The following NKAIN2 variants were observed in gnomAD, a reference collection of about 807,000 sequenced individuals.
NKAIN2 encodes sodium/potassium-transporting ATPase subunit beta-1-interacting protein 2.
Under a neutral mutation model 32.6 loss-of-function variants are expected in NKAIN2, and 14 were observed. The observed-to-expected ratio is 0.43, with a 90% confidence interval of 0.28 to 0.67. The LOEUF is 0.67. Among genes scored for constraint, NKAIN2 ranks in the 30% least tolerant of loss-of-function variants. The pLI is 0.17. For synonymous variants in NKAIN2, 80 were observed against 87.2 expected (o/e 0.92, Z 0.46); for missense variants, 198 against 258.3 (o/e 0.77, Z 1.60).
intron 1 of NKAIN2, among the ~76,000 whole-genome samples, chr6:124,173,981 G>A (rs983303121): frequency 6.6e-6 from 1 of 152,104 alleles, no homozygotes; most frequent in African/African-American, 2.4e-5. Flanking sequence ...TTACATTCAT[G>A]TATAGCATGC....
In NKAIN2 at chr6:123,820,367, T is replaced by G. The variant is rs76352656; in HGVS notation, c.54+16113T>G. Among the ~76,000 whole-genome samples the G allele has an allele frequency of 2.5e-4, 38 of 152,338 alleles. 1 individual carries two copies. In the East Asian group the frequency reaches 7.3e-3, roughly 29 times the overall value. On this transcript the variant is annotated intron_variant, in intron 1 of 6. Transcript: ENST00000368417. ...TACTGGGACAGAGAAGAAAATAAATTATTTCTTTATGATGAAATTAAAAGG... is the reference window on the plus strand; with the variant it reads ...TACTGGGACAGAGAAGAAAATAAATGATTTCTTTATGATGAAATTAAAAGG...
intron 1 of NKAIN2, among the ~76,000 whole-genome samples, chr6:124,255,633 C>G (rs1381630398): frequency 6.6e-6 from 1 of 152,164 alleles, no homozygotes; most frequent in African/African-American, 2.4e-5. Context: ...GAAAGGGAGG[C>G]TCACCTATGA....
At chr6:124,236,580 A>C (rs1582899779) in intron 1 of NKAIN2, among the ~76,000 whole-genome samples, 1 of 152,166 alleles carries the variant, frequency 6.6e-6, no homozygotes, top group Non-Finnish European at 1.5e-5. Flanking sequence ...CAGAACAGTA[A>C]ATTGGAGTTA....
At chr6:124,596,663 G>GGT (rs9321001) in intron 3 of NKAIN2, among the ~76,000 whole-genome samples, 76,719 of 142,158 alleles carry the variant, frequency 0.54, 21,032 homozygotes, top group South Asian at 0.65. Context: ...TAAACCATAG[G>GGT]GTGTGTGTGT....
rs570425172 is a variant in NKAIN2, at chr6:124,782,142, C to T, written c.475-9197C>T. The stretch of plus-strand genomic sequence containing the variant: ...TCCTACTTAACTGTATTTTCAAAAC[C>T]CTAATAATGCATCTGAGTTTACGAT... On this transcript the variant is annotated intron_variant, in intron 4 of 6. Coordinates refer to ENST00000368417, the MANE Select transcript of NKAIN2 (RefSeq NM_001040214.3). Among the ~76,000 whole-genome samples the T allele has an allele frequency of 3.3e-5, 5 of 152,202 alleles. No homozygotes were observed. The South Asian group carries it at 1.0e-3, about 32-fold the overall frequency.
chr6:124,720,593 A>C (rs753281231), intron 4 of NKAIN2, among the ~76,000 whole-genome samples: 1 of 152,170 alleles, frequency 6.6e-6, no homozygotes, highest in Non-Finnish European at 1.5e-5. Context: ...ACTTAAAATG[A>C]CATTTATTTC....
intron 1 of NKAIN2, among the ~76,000 whole-genome samples, chr6:124,030,793 A>G (rs543351135): frequency 3.9e-5 from 6 of 152,300 alleles, no homozygotes; most frequent in Non-Finnish European, 7.4e-5. Flanking sequence ...TAAGTGCCCA[A>G]TAAATCTTCG....
intron 1 of NKAIN2, among the ~76,000 whole-genome samples, chr6:124,128,298 A>G (rs961004197): frequency 1.3e-5 from 2 of 152,212 alleles, no homozygotes; most frequent in Non-Finnish European, 2.9e-5. Flanking sequence ...ATGTTCTATA[A>G]TATAGATAGC....
chr6:124,631,077 A>G (rs1414785014), intron 3 of NKAIN2, among the ~76,000 whole-genome samples: 1 of 152,184 alleles, frequency 6.6e-6, no homozygotes, highest in Non-Finnish European at 1.5e-5. Context: ...TGTAAATTTG[A>G]GTCATTCCTT....
At chr6:124,807,948 TC>T (rs1296484378) in intron 5 of NKAIN2, among the ~76,000 whole-genome samples, 1 of 148,518 alleles carries the variant, frequency 6.7e-6, no homozygotes, top group East Asian at 2.3e-4. Flanking sequence ...AAGTTGAATC[TC>T]CGAATAGACC....
rs534243599 is a variant in NKAIN2, at chr6:124,101,595, G to T, written c.55-181410G>T. Among the ~76,000 whole-genome samples, 275 of 151,824 alleles carry T rather than the reference G, an allele frequency of 1.8e-3. 1 individual carries two copies. The highest frequency in any genetic ancestry group is 8.8e-4 in the Non-Finnish European group (60 of 67,898). The stretch of plus-strand genomic sequence containing the variant: ...TTTTTTTTGTTTGTTTGTTTTTGCT[G>T]TTTTTTTCTATCCACTCCATTGGGA... On this transcript the variant is annotated intron_variant, in intron 1 of 6. Transcript: ENST00000368417.
chr6:124,278,652 TA>T (rs1442475025), intron 1 of NKAIN2, among the ~76,000 whole-genome samples: 47 of 48,804 alleles, frequency 9.6e-4, no homozygotes, highest in African/African-American at 5.3e-3. Context: ...ACATAGCTCA[TA>T]TATATATATA....
intron 1 of NKAIN2, among the ~76,000 whole-genome samples, chr6:123,946,029 T>C (rs943474137): frequency 2.0e-5 from 3 of 152,130 alleles, no homozygotes; most frequent in Non-Finnish European, 2.9e-5. Flanking sequence ...TATTATGGCA[T>C]TGGAGAATAA....
intron 1 of NKAIN2, among the ~76,000 whole-genome samples, chr6:123,807,835 T>C (rs1773283815): frequency 6.6e-6 from 1 of 152,172 alleles, no homozygotes; most frequent in Admixed American, 6.5e-5. Context: ...AATGCCACTA[T>C]TGCCATGGGC....
intron 3 of NKAIN2, among the ~76,000 whole-genome samples, chr6:124,646,912 C>CT (rs1784191318): frequency 6.6e-6 from 1 of 151,976 alleles, no homozygotes; most frequent in African/African-American, 2.4e-5. Context: ...GATCATGCCA[C>CT]TGCACTCCAG....
At chr6:124,253,722 C>G (rs1793792142) in intron 1 of NKAIN2, among the ~76,000 whole-genome samples, 1 of 151,972 alleles carries the variant, frequency 6.6e-6, no homozygotes, top group African/African-American at 2.4e-5. Context: ...AATAGCATAC[C>G]TGTTATTTTC....
At chr6:124,714,372 A>G (rs1197119120) in intron 4 of NKAIN2, among the ~76,000 whole-genome samples, 1 of 152,248 alleles carries the variant, frequency 6.6e-6, no homozygotes, top group Non-Finnish European at 1.5e-5. Flanking sequence ...CAACTAGGAC[A>G]CTTGCTAATT....
chr6:123,962,837 G>A (rs149235010), intron 1 of NKAIN2, among the ~76,000 whole-genome samples: 2,097 of 152,222 alleles, frequency 0.014, 17 homozygotes, highest in African/African-American at 0.021. Flanking sequence ...CGTACAGCTT[G>A]CGCCTAGGCT....
chr6:123,866,402 C>G (rs562137929), intron 1 of NKAIN2, among the ~76,000 whole-genome samples: 1 of 152,286 alleles, frequency 6.6e-6, no homozygotes, highest in African/African-American at 2.4e-5. Flanking sequence ...AGGAAACAAG[C>G]TAGGATTTTC....
Sources: gnomAD v4.1 joint callset for allele counts (sites outside exome capture counted in the v4.1 genomes callset) on GRCh38, gnomAD v4.1.1 for gene constraint, MANE v1.5 for transcripts, NCBI Gene and HGNC (gene_info 2026-07-23, HGNC 2026-07-21) for gene names.